TNS1: variants seen among roughly 807,000 people sequenced by gnomAD.
TNS1 encodes the protein tensin 1.
Under a neutral mutation model 168.6 loss-of-function variants are expected in TNS1, and 62 were observed. The ratio of observed to expected loss-of-function variants is 0.37; its 90% CI spans 0.30 to 0.45. TNS1 has a LOEUF of 0.45. TNS1 is among the 20% of genes least tolerant of loss of function. The probability of loss-of-function intolerance (pLI) is 1.00; values close to 1 mark genes in which losing one functional copy is unlikely to be tolerated. For missense variants in TNS1, 2,240 were observed against 2,339.4 expected, an observed-to-expected ratio of 0.96 and a Z score of 0.88; for synonymous variants, 934 against 933.2, an observed-to-expected ratio of 1.00 and a Z score of -0.02.
At position 217,809,909 on chromosome 2, in the gene TNS1, C is replaced by A. The variant is rs201232462; in HGVS notation, c.5187G>T (p.Thr1729=). The change falls in exon 30 of 33, where the codon ACG becomes ACT. Residue 1729 remains threonine, a synonymous_variant. Coordinates refer to ENST00000682258, the MANE Select transcript of TNS1 (RefSeq NM_001387777.1). ...CAGCTGGCGTGGGGTCTGCAGCCAACGTCTCAGATGTGGCTTTAGAGATGG... is the reference window on the plus strand; with the variant it reads ...CAGCTGGCGTGGGGTCTGCAGCCAAAGTCTCAGATGTGGCTTTAGAGATGG... The part of the protein sequence containing the change: ...PQAISKATSE[T]LAADPTPAAT... The A allele has an allele frequency of 1.2e-6, 2 of 1,613,598 alleles. No individual in the cohort carries two copies. Among genetic ancestry groups the A allele is most frequent in the African/African-American group, 1.3e-5 (1 of 74,880 alleles).
chr2:217,939,206 G>T (rs1338216066), intron 3 of TNS1, among the ~76,000 whole-genome samples: 2 of 152,188 alleles, frequency 1.3e-5, no homozygotes, highest in Admixed American at 1.3e-4. Flanking sequence ...GCTCACAGAG[G>T]TTCAGTCACT....
chr2:218,014,870 C>CGGAA (rs56964991), upstream of TNS1, among the ~76,000 whole-genome samples: 11,982 of 96,434 alleles, frequency 0.12, 677 homozygotes, highest in East Asian at 0.24. Context: ...GAAGGAAGGA[C>CGGAA]GGAAGGAAGG....
intron 18 of TNS1, chr2:217,879,446 C>T (rs1268116690): frequency 4.4e-6 from 2 of 454,824 alleles, no homozygotes; most frequent in Admixed American, 2.4e-5. Context: ...GAGTGCTTTT[C>T]ACAAGCAGCC....
intron 18 of TNS1, among the ~76,000 whole-genome samples, chr2:217,867,351 T>TA (rs1949367244): frequency 6.6e-6 from 1 of 152,252 alleles, no homozygotes; most frequent in African/African-American, 2.4e-5. Context: ...TAGATAGACT[T>TA]ACCCAAATGA....
chr2:217,830,502 G>A, intron 22 of TNS1: 3 of 1,284,386 alleles, frequency 2.3e-6, no homozygotes, highest in South Asian at 1.4e-5. Context: ...AGGGCCCAGG[G>A]AGCCCTGTCT....
At chr2:217,845,866 C>A (rs1946576270) in intron 19 of TNS1, among the ~76,000 whole-genome samples, 1 of 152,158 alleles carries the variant, frequency 6.6e-6, no homozygotes, top group African/African-American at 2.4e-5. Context: ...TTCTGCTCCC[C>A]CAGAGAGAAG....
chr2:217,863,748 A>G (rs989909045), intron 18 of TNS1, among the ~76,000 whole-genome samples: 1 of 152,198 alleles, frequency 6.6e-6, no homozygotes, highest in African/African-American at 2.4e-5. Context: ...ATCAAGGAAG[A>G]GAAAGACATG....
chr2:217,946,957 T>A (rs1265519895), intron 3 of TNS1, among the ~76,000 whole-genome samples: 434 of 112,520 alleles, frequency 3.9e-3, no homozygotes, highest in Non-Finnish European at 5.3e-3. Context: ...TCTCTCTCTC[T>A]CTCTCTCTCT....
chr2:217,966,316 C>T (rs552342148), intron 3 of TNS1, among the ~76,000 whole-genome samples: 50 of 135,422 alleles, frequency 3.7e-4, no homozygotes, highest in South Asian at 1.0e-3. Context: ...TGTGCGCGCG[C>T]GCGCGTGTGT....
intron 2 of TNS1, among the ~76,000 whole-genome samples, chr2:217,990,536 A>G (rs1157642829): frequency 6.6e-6 from 1 of 150,778 alleles, no homozygotes; most frequent in African/African-American, 2.4e-5. Flanking sequence ...CCAGCCACAC[A>G]TCGTCAACAT....
intron 18 of TNS1, among the ~76,000 whole-genome samples, chr2:217,857,689 A>C (rs1948312160): frequency 6.6e-6 from 1 of 152,190 alleles, no homozygotes; most frequent in Non-Finnish European, 1.5e-5. Flanking sequence ...CCTGGAGGGC[A>C]AGTGATCTGC....
chr2:217,894,936 T>C, intron 9 of TNS1, 70 bp downstream of exon 9: 1 of 1,431,128 alleles, frequency 7.0e-7, no homozygotes, highest in South Asian at 1.2e-5. Flanking sequence ...GATTATTATG[T>C]GGGAACTCCA....
chr2:217,967,523 G>T (rs902584142), intron 3 of TNS1, among the ~76,000 whole-genome samples: 6 of 151,896 alleles, frequency 4.0e-5, no homozygotes, highest in African/African-American at 1.5e-4. Context: ...GAAATAAAAA[G>T]AATTATGAAG....
intron 1 of TNS1, among the ~76,000 whole-genome samples, chr2:218,031,285 G>T (rs1273531548): frequency 8.2e-6 from 1 of 122,394 alleles, no homozygotes; most frequent in Non-Finnish European, 1.6e-5. Flanking sequence ...GAGCGTGTAT[G>T]AGTGTGTGAG....
intron 2 of TNS1, 89 bp downstream of exon 2, chr2:217,990,853 G>T: frequency 2.2e-6 from 1 of 451,866 alleles, no homozygotes. Context: ...AAGGATGTGT[G>T]CACAGCAGAG....
intron 2 of TNS1, among the ~76,000 whole-genome samples, chr2:217,980,151 C>T (rs1008955448): frequency 6.6e-6 from 1 of 152,148 alleles, no homozygotes; most frequent in African/African-American, 2.4e-5. Context: ...TCTCTCAGAA[C>T]CTAGTCCTGG....
Position 217,818,736 on chromosome 2 carries a change from G to A in TNS1, c.3596C>T (p.Ser1199Leu), listed in dbSNP as rs201342133. Residue 1199 changes from serine (S) to leucine (L), a missense_variant, in exon 24 of 33, where the codon TCG (serine) becomes TTG (leucine). Around this residue, in one of 2 missense-constraint regions of TNS1, gnomAD observed 2,131 missense variants for 2,171.2 expected, o/e 0.98. Transcript: ENST00000682258. ...GGGACCCTGGTCACTGCTCTCTCCCGACGGGAAACTCCCCACTGAAGTGCT... is the reference window on the plus strand; with the variant it reads ...GGGACCCTGGTCACTGCTCTCTCCCAACGGGAAACTCCCCACTGAAGTGCT... The part of the protein sequence containing the change: ...ADSTSVGSFP[S>L]GESSDQGPRT... The A allele has an allele frequency of 8.3e-5, 133 of 1,612,042 alleles. No homozygotes were observed. Among genetic ancestry groups the A allele is most frequent in the South Asian group, 2.2e-4 (20 of 90,980 alleles).
chr2:217,974,677 C>T (rs552246850), intron 3 of TNS1, among the ~76,000 whole-genome samples: 28 of 152,326 alleles, frequency 1.8e-4, no homozygotes, highest in South Asian at 6.2e-4. Flanking sequence ...CTTTGACTAT[C>T]GTTCCAAGAA....
intron 3 of TNS1, among the ~76,000 whole-genome samples, chr2:217,930,178 G>A (rs930630341): frequency 2.6e-5 from 4 of 152,200 alleles, no homozygotes; most frequent in Non-Finnish European, 5.9e-5. Flanking sequence ...TGAGCTAGGG[G>A]CTATCAGTCC....
Sources: allele counts gnomAD v4.1 joint callset (sites outside exome capture counted in the v4.1 genomes callset), GRCh38; gene constraint gnomAD v4.1.1; regional missense constraint gnomAD v4.1.1; transcripts MANE v1.5; gene names NCBI Gene and HGNC (gene_info 2026-07-23, HGNC 2026-07-21).